The following DYM variants were observed in gnomAD, a reference collection of about 807,000 sequenced individuals.
DYM encodes the protein dyggve-Melchior-Clausen syndrome protein.
In DYM, 78 loss-of-function variants were observed where a neutral mutation model predicts 93.1. That is an observed-to-expected ratio of 0.84 (90% CI 0.70 to 1.01). The LOEUF (loss-of-function observed/expected upper bound fraction) is 1.01, where lower values mean the gene tolerates loss of function less well. DYM is among the 50% of genes least tolerant of loss of function. DYM has a pLI of 0.00. For synonymous variants in DYM, 321 were observed against 319.7 expected (o/e 1.00, Z -0.04); for missense variants, 789 against 845.0 (o/e 0.93, Z 0.82).
chr18:49,101,943 G>T (rs1055817113), intron 16 of DYM, among the ~76,000 whole-genome samples: 2 of 152,176 alleles, frequency 1.3e-5, no homozygotes, highest in Non-Finnish European at 2.9e-5. Context: ...GCTTACATTT[G>T]AGTCTTGCCT....
At chr18:49,110,459 T>G (rs78710869) in intron 16 of DYM, among the ~76,000 whole-genome samples, 2,330 of 152,276 alleles carry the variant, frequency 0.015, 64 homozygotes, top group African/African-American at 0.054. Context: ...TTGTATTCAG[T>G]TTTTAAAGAC....
At chr18:49,207,852 T>C (rs903227939) in intron 14 of DYM, among the ~76,000 whole-genome samples, 14 of 152,122 alleles carry the variant, frequency 9.2e-5, no homozygotes, top group Admixed American at 3.3e-4. Flanking sequence ...AAATCTCCTA[T>C]TGGTTTTGTG....
At chr18:49,389,335 G>A (rs765311186) in intron 3 of DYM, among the ~76,000 whole-genome samples, 7 of 151,804 alleles carry the variant, frequency 4.6e-5, no homozygotes, top group Non-Finnish European at 2.9e-5. Flanking sequence ...TGTGTGTGGT[G>A]GATGATATAT....
chr18:49,046,392 C>G (rs1443409944), intron 17 of DYM, among the ~76,000 whole-genome samples: 1 of 149,468 alleles, frequency 6.7e-6, no homozygotes, highest in Non-Finnish European at 1.5e-5. Flanking sequence ...ACACACACAC[C>G]ACAGACAAAA....
chr18:49,272,370 T>A, intron 10 of DYM, 67 bp from the exon 11 acceptor site: 1 of 1,097,886 alleles, frequency 9.1e-7, no homozygotes, highest in Non-Finnish European at 1.4e-6. Flanking sequence ...TTTAAATCTT[T>A]ACACTTTCAT....
intron 2 of DYM, among the ~76,000 whole-genome samples, chr18:49,392,364 A>G (rs2069361440): frequency 6.6e-6 from 1 of 152,206 alleles, no homozygotes; most frequent in Non-Finnish European, 1.5e-5. Context: ...TACCAAAATT[A>G]AAAACTTCTG....
At chr18:49,217,279 T>G (rs1007014219) in intron 13 of DYM, among the ~76,000 whole-genome samples, 1 of 152,298 alleles carries the variant, frequency 6.6e-6, no homozygotes, top group East Asian at 1.9e-4. Flanking sequence ...TACGTCTGAT[T>G]GGTGTACCTG....
chr18:49,258,839 CAGAG>C (rs61360021), intron 11 of DYM, among the ~76,000 whole-genome samples: 4,009 of 113,464 alleles, frequency 0.035, 31 homozygotes, highest in Middle Eastern at 0.043. Context: ...CACACACACA[CAGAG>C]AGAGAGAGAG....
intron 6 of DYM, among the ~76,000 whole-genome samples, chr18:49,346,637 T>C (rs2064624175): frequency 1.3e-5 from 2 of 152,186 alleles, no homozygotes; most frequent in South Asian, 4.1e-4. Context: ...AATTTTAGTA[T>C]TTAAAATATA....
intron 13 of DYM, among the ~76,000 whole-genome samples, chr18:49,245,311 C>G (rs1277126201): frequency 6.6e-6 from 1 of 152,126 alleles, no homozygotes. Context: ...TTTCAGGGAA[C>G]AAGGAAAGAT....
intron 13 of DYM, among the ~76,000 whole-genome samples, chr18:49,245,257 G>A (rs957996829): frequency 1.3e-5 from 2 of 152,186 alleles, no homozygotes; most frequent in Admixed American, 6.5e-5. Context: ...TATTTGAACA[G>A]TATGAAATCA....
intron 1 of DYM, among the ~76,000 whole-genome samples, chr18:49,444,832 C>T (rs564538268): frequency 6.6e-6 from 1 of 152,212 alleles, no homozygotes; most frequent in Non-Finnish European, 1.5e-5. Flanking sequence ...CTATTAAAAC[C>T]ATATGTTCAC....
intron 15 of DYM, among the ~76,000 whole-genome samples, chr18:49,139,807 C>T (rs759368246): frequency 6.6e-6 from 1 of 152,178 alleles, no homozygotes; most frequent in South Asian, 2.1e-4. Context: ...CATGGTCATT[C>T]CCTTTGACTG....
At chr18:49,070,618 G>A (rs1474393786) in intron 17 of DYM, among the ~76,000 whole-genome samples, 1 of 152,190 alleles carries the variant, frequency 6.6e-6, no homozygotes, top group African/African-American at 2.4e-5. Context: ...GAAAAGGAAG[G>A]GAGTAGAGAA....
intron 5 of DYM, among the ~76,000 whole-genome samples, chr18:49,377,759 C>A (rs1568342332): frequency 6.6e-6 from 1 of 152,068 alleles, no homozygotes; most frequent in Non-Finnish European, 1.5e-5. Flanking sequence ...ACAGTTGAAA[C>A]CACAGTGAAA....
chr18:49,393,354 C>T (rs2069630201), intron 2 of DYM, among the ~76,000 whole-genome samples: 1 of 152,156 alleles, frequency 6.6e-6, no homozygotes, highest in Non-Finnish European at 1.5e-5. Context: ...TAGTTGTACA[C>T]TCGTGTCCAT....
intron 17 of DYM, among the ~76,000 whole-genome samples, chr18:49,079,023 A>G (rs1453662017): frequency 2.0e-5 from 3 of 152,214 alleles, no homozygotes; most frequent in Non-Finnish European, 4.4e-5. Flanking sequence ...GGCTTTCAAC[A>G]GCTTTGATGC....
chr18:49,073,837 T>C (rs2077092660), intron 17 of DYM, among the ~76,000 whole-genome samples: 1 of 152,256 alleles, frequency 6.6e-6, no homozygotes, highest in Non-Finnish European at 1.5e-5. Flanking sequence ...CATTCTTTTT[T>C]TGACTTCAAT....
At chr18:49,075,662 G>A (rs1338739171) in intron 17 of DYM, among the ~76,000 whole-genome samples, 2 of 152,160 alleles carry the variant, frequency 1.3e-5, no homozygotes, top group Non-Finnish European at 2.9e-5. Context: ...GGTGGGGGTA[G>A]TAGATAATGC....
Sources: gnomAD v4.1 joint callset for allele counts (sites outside exome capture counted in the v4.1 genomes callset) on GRCh38, gnomAD v4.1.1 for gene constraint, MANE v1.5 for transcripts, NCBI Gene and HGNC (gene_info 2026-07-23, HGNC 2026-07-21) for gene names.